The following ZNRF2 variants were observed in gnomAD, a reference collection of about 807,000 sequenced individuals.
ZNRF2 encodes E3 ubiquitin-protein ligase ZNRF2.
A neutral mutation model predicts 20.4 loss-of-function variants in ZNRF2; 16 were observed. The ratio of observed to expected loss-of-function variants is 0.79; its 90% CI spans 0.53 to 1.19. ZNRF2 has a LOEUF of 1.19. Among genes scored for constraint, ZNRF2 ranks in the 50% most tolerant of loss-of-function variants. The pLI is 0.00. For synonymous variants in ZNRF2, 178 were observed against 144.9 expected (o/e 1.23, Z -1.64); for missense variants, 363 against 332.4 (o/e 1.09, Z -0.72).
chr7:30,340,022 A>T (rs777579228), intron 2 of ZNRF2, among the ~76,000 whole-genome samples: 14 of 152,086 alleles, frequency 9.2e-5, no homozygotes, highest in Non-Finnish European at 1.6e-4. Context: ...CTTTGTAGCA[A>T]TTCTGAATGG....
At chr7:30,361,084 A>G (rs1800119430) in intron 3 of ZNRF2, among the ~76,000 whole-genome samples, 2 of 152,208 alleles carry the variant, frequency 1.3e-5, no homozygotes, top group African/African-American at 4.8e-5. Context: ...TGGTTGTAAA[A>G]TAAGGAGTAC....
At chr7:30,350,999 G>T (rs947387956) in intron 2 of ZNRF2, among the ~76,000 whole-genome samples, 5 of 141,918 alleles carry the variant, frequency 3.5e-5, no homozygotes, top group Non-Finnish European at 7.7e-5. Flanking sequence ...TGTTGGTTTG[G>T]TTTTTTGTTT....
At chr7:30,355,313 AT>A (rs908097140) in intron 2 of ZNRF2, among the ~76,000 whole-genome samples, 83 of 152,048 alleles carry the variant, frequency 5.5e-4, no homozygotes, top group African/African-American at 1.7e-3. Flanking sequence ...TTATTTTATA[AT>A]TTTTAAAATT....
At chr7:30,338,379 C>T (rs1176500530) in intron 2 of ZNRF2, among the ~76,000 whole-genome samples, 1 of 151,654 alleles carries the variant, frequency 6.6e-6, no homozygotes, top group Non-Finnish European at 1.5e-5. Context: ...CCCATCAACC[C>T]TTCATCTATA....
intron 1 of ZNRF2, among the ~76,000 whole-genome samples, chr7:30,295,480 G>A (rs926003516): frequency 6.6e-6 from 1 of 152,126 alleles, no homozygotes; most frequent in Non-Finnish European, 1.5e-5. Flanking sequence ...GGAGACGGAC[G>A]GGGGCGATCG....
chr7:30,314,053 T>G (rs1268895685), intron 1 of ZNRF2, among the ~76,000 whole-genome samples: 1 of 152,228 alleles, frequency 6.6e-6, no homozygotes, highest in Non-Finnish European at 1.5e-5. Flanking sequence ...AGTTGACTTT[T>G]CTACCGTTGT....
chr7:30,291,289 T>C (rs1210931100), intron 1 of ZNRF2, among the ~76,000 whole-genome samples: 1 of 152,218 alleles, frequency 6.6e-6, no homozygotes, highest in Non-Finnish European at 1.5e-5. Context: ...TTGTTTTATC[T>C]AATGAAGTTT....
Position 30,334,893 on chromosome 7 carries a change from AATTAATCTT to A in ZNRF2, c.565+11157_565+11165del, listed in dbSNP as rs574929856. 1.8e-3 allele frequency among the ~76,000 whole-genome samples: 276 copies of A among 152,284 alleles called. 2 individuals carry two copies. The highest frequency in any genetic ancestry group is 6.3e-3 in the African/African-American group (260 of 41,566). ...GATTGCTTACTAGGATTGTAGCAGA[AATTAATCTT>A]TTTAGAAGCATAGAACCTTTTATAG... On this transcript the variant is annotated intron_variant, in intron 2 of 4. Transcript: ENST00000323037.
intron 1 of ZNRF2, among the ~76,000 whole-genome samples, chr7:30,293,688 T>C (rs1798954387): frequency 6.6e-6 from 1 of 152,242 alleles, no homozygotes; most frequent in South Asian, 2.1e-4. Flanking sequence ...ACGTAAAATT[T>C]TTTAACCCAT....
intron 2 of ZNRF2, among the ~76,000 whole-genome samples, chr7:30,351,733 T>C (rs1037325666): frequency 2.0e-5 from 3 of 152,062 alleles, no homozygotes; most frequent in South Asian, 2.1e-4. Context: ...AGTTTCCTTA[T>C]GTGTAAAATG....
At position 30,285,406 on chromosome 7, in the gene ZNRF2, G is replaced by C; in HGVS notation, c.49G>C (p.Ala17Pro). The C allele has an allele frequency of 7.9e-7, 1 of 1,261,734 alleles. No individual in the cohort carries two copies. Among genetic ancestry groups the C allele is most frequent in the Non-Finnish European group, 1.0e-6 (1 of 987,214 alleles). The allele number at this position is 1,261,734 out of a possible 1,614,324, so 78.2% of individuals were successfully genotyped here. ...GGCCGCCGCTAACGGCCGCACGCGC[G>C]CGTACTCGGGCTCGGATCTACCTTC... is the stretch of plus-strand genomic sequence containing the variant. ...GPAAANGRTR[A>P]YSGSDLPSSS... is the part of the protein sequence containing the mutation. Residue 17 changes from alanine to proline, a missense_variant, in exon 1 of 5, where the codon GCG (alanine) becomes CCG (proline). Around this residue, in one of 2 missense-constraint regions of ZNRF2, gnomAD observed 302 missense variants for 231.5 expected, o/e 1.30. Transcript: ENST00000323037.
At chr7:30,346,248 C>T (rs952690263) in intron 2 of ZNRF2, among the ~76,000 whole-genome samples, 1 of 117,772 alleles carries the variant, frequency 8.5e-6, no homozygotes, top group South Asian at 2.9e-4. Flanking sequence ...GGCTGCAATG[C>T]AGTGGCACGA....
intron 3 of ZNRF2, among the ~76,000 whole-genome samples, chr7:30,359,605 T>A (rs1800095814): frequency 6.6e-6 from 1 of 152,222 alleles, no homozygotes; most frequent in African/African-American, 2.4e-5. Context: ...CATCTCCCCA[T>A]GTTCTTACTC....
At chr7:30,306,356 G>A (rs867809793) in intron 1 of ZNRF2, among the ~76,000 whole-genome samples, 1 of 151,928 alleles carries the variant, frequency 6.6e-6, no homozygotes, top group South Asian at 2.1e-4. Context: ...CTATCTGCAA[G>A]TTGCCTTAAA....
Position 30,285,356 on chromosome 7 carries a change from A to G in ZNRF2, c.-2A>G. 8.5e-7 allele frequency: 1 copy of G among 1,176,196 alleles called. No individual in the cohort carries two copies. The highest frequency in any genetic ancestry group is 1.1e-6 in the Non-Finnish European group (1 of 943,980). The allele number at this position is 1,176,196 out of a possible 1,614,324, so 72.9% of individuals were successfully genotyped here. A position where few individuals can be genotyped will look rare whatever the true frequency, so the allele number is the denominator to read the frequency against. On this transcript the variant is annotated 5_prime_UTR_variant, in exon 1 of 5. Coordinates refer to ENST00000323037, the MANE Select transcript of ZNRF2 (RefSeq NM_147128.4). ...GCGGGCCCGGCCCGGGGCAGGGCGGACATGGGCGCCAAACAGAGCGGCCCG... is the reference window on the plus strand; with the variant it reads ...GCGGGCCCGGCCCGGGGCAGGGCGGGCATGGGCGCCAAACAGAGCGGCCCG...
chr7:30,320,427 A>G (rs532353291), intron 1 of ZNRF2, among the ~76,000 whole-genome samples: 4 of 152,320 alleles, frequency 2.6e-5, no homozygotes, highest in Middle Eastern at 3.4e-3. Flanking sequence ...ACCCACATGC[A>G]TATCATATAT....
At chr7:30,349,411 T>C (rs1254065040) in intron 2 of ZNRF2, among the ~76,000 whole-genome samples, 3 of 152,136 alleles carry the variant, frequency 2.0e-5, no homozygotes, top group Admixed American at 2.0e-4. Context: ...ACTCCCTTCT[T>C]GCGAATAATC....
rs78368068 is a variant in ZNRF2 at position 30,286,924 on chromosome 7, G to C, written c.469+1098G>C. 1.3e-3 allele frequency among the ~76,000 whole-genome samples: 191 copies of C among 152,268 alleles called. 2 individuals carry two copies. In the East Asian group the frequency reaches 0.023, roughly 19 times the overall value. ...GTAGGAACTTTGGAGACTTAGTAAA[G>C]TGGAATACGTAGTAATTTATCCGTT... On this transcript the variant is annotated intron_variant, in intron 1 of 4. Coordinates refer to ENST00000323037, the MANE Select transcript of ZNRF2 (RefSeq NM_147128.4).
chr7:30,314,788 AAT>A (rs139581545), intron 1 of ZNRF2, among the ~76,000 whole-genome samples: 22 of 148,068 alleles, frequency 1.5e-4, no homozygotes, highest in Admixed American at 3.4e-4. Context: ...AAATATGGGA[AAT>A]ATATATATAT....
Sources: gnomAD v4.1 joint callset for allele counts (sites outside exome capture counted in the v4.1 genomes callset) on GRCh38, gnomAD v4.1.1 for gene constraint, gnomAD v4.1.1 regional missense constraint, MANE v1.5 for transcripts, NCBI Gene and HGNC (gene_info 2026-07-23, HGNC 2026-07-21) for gene names.